ANKH: variants seen among roughly 807,000 people sequenced by gnomAD.
ANKH encodes ANKH inorganic pyrophosphate transport regulator.
ANKH carries 15 observed loss-of-function variants against 49.0 expected under a neutral mutation model. That is an observed-to-expected ratio of 0.31 (90% confidence interval 0.20 to 0.47). The LOEUF is 0.47. Ranked by LOEUF, ANKH falls within the 20% of genes least tolerant of loss-of-function variation. The probability of loss-of-function intolerance (pLI) is 1.00; values close to 1 mark genes in which losing one functional copy is unlikely to be tolerated. For synonymous variants in ANKH, 273 were observed against 260.0 expected (o/e 1.05, Z -0.48); for missense variants, 429 against 652.0 (o/e 0.66, Z 3.72).
intron 1 of ANKH, among the ~76,000 whole-genome samples, chr5:14,800,535 G>T (rs1386634894): frequency 6.6e-6 from 1 of 152,094 alleles, no homozygotes; most frequent in African/African-American, 2.4e-5. Flanking sequence ...ACCCTGATCA[G>T]CCAGCAGCCA....
chr5:14,855,607 A>G (rs1274656942), intron 1 of ANKH, among the ~76,000 whole-genome samples: 1 of 152,168 alleles, frequency 6.6e-6, no homozygotes, highest in Non-Finnish European at 1.5e-5. Context: ...AACAAAATTG[A>G]GAAAGACTTG....
chr5:14,833,019 C>G (rs985703345), intron 1 of ANKH, among the ~76,000 whole-genome samples: 5 of 152,204 alleles, frequency 3.3e-5, no homozygotes, highest in Non-Finnish European at 7.3e-5. Flanking sequence ...TTGATGAAAT[C>G]ACAGTGCTGC....
At chr5:14,783,999 C>A (rs534745788) in intron 1 of ANKH, among the ~76,000 whole-genome samples, 1 of 152,388 alleles carries the variant, frequency 6.6e-6, no homozygotes, top group South Asian at 2.1e-4. Flanking sequence ...TGAAAGGAGG[C>A]AGCTTTGTCC....
chr5:14,786,678 G>A (rs537648219), intron 1 of ANKH, among the ~76,000 whole-genome samples: 47 of 152,328 alleles, frequency 3.1e-4, no homozygotes, highest in Admixed American at 1.7e-3. Context: ...AAAACCTAGC[G>A]CTAGCAAAGA....
chr5:14,751,283 G>A (rs1370888406), intron 4 of ANKH, 44 bp from the exon 5 acceptor site: 16 of 1,598,918 alleles, frequency 1.0e-5, no homozygotes, highest in Non-Finnish European at 1.1e-5. Context: ...GGAGAAGCGG[G>A]AACCGACTGA....
intron 1 of ANKH, among the ~76,000 whole-genome samples, chr5:14,818,519 G>A (rs768337056): frequency 1.4e-4 from 21 of 151,782 alleles, no homozygotes; most frequent in Admixed American, 3.3e-4. Flanking sequence ...GCGGGCACCT[G>A]TAGTCTTAGC....
At chr5:14,850,572 G>A (rs970032093) in intron 1 of ANKH, among the ~76,000 whole-genome samples, 2 of 152,262 alleles carry the variant, frequency 1.3e-5, no homozygotes, top group South Asian at 4.1e-4. Context: ...CCCCTCCGGG[G>A]TTCACGGTAA....
chr5:14,752,137 A>T (rs776482684), intron 4 of ANKH, among the ~76,000 whole-genome samples: 2 of 152,144 alleles, frequency 1.3e-5, no homozygotes, highest in African/African-American at 2.4e-5. Flanking sequence ...GTGAGACCCC[A>T]TCTCTGTAAA....
chr5:14,714,306 G>A lies in ANKH; in HGVS notation c.1142-639C>T, dbSNP rs574610092. On this transcript the variant is annotated intron_variant, in intron 9 of 11. Coordinates refer to ENST00000284268, the MANE Select transcript of ANKH (RefSeq NM_054027.6). ...ATGCCTGCCTCTTCACTGGATCTCT[G>A]AGCTGCAGGAGGGCCATGGGTGGAC... is the stretch of plus-strand genomic sequence containing the variant. 2.6e-5 allele frequency among the ~76,000 whole-genome samples: 4 copies of A among 152,340 alleles called. No individual in the cohort carries two copies. In the East Asian group the frequency reaches 7.7e-4, roughly 29 times the overall value.
At chr5:14,857,381 G>A (rs1735310827) in intron 1 of ANKH, among the ~76,000 whole-genome samples, 1 of 152,222 alleles carries the variant, frequency 6.6e-6, no homozygotes, top group Non-Finnish European at 1.5e-5. Flanking sequence ...ACTGCTGGGT[G>A]CAGTGGCTTA....
At chr5:14,867,707 C>T (rs1735688560) in intron 1 of ANKH, among the ~76,000 whole-genome samples, 1 of 152,118 alleles carries the variant, frequency 6.6e-6, no homozygotes, top group South Asian at 2.1e-4. Context: ...CTACAGGCAC[C>T]CGCCACCGCG....
intron 6 of ANKH, 74 bp downstream of exon 6, chr5:14,749,098 C>G: frequency 1.3e-6 from 2 of 1,599,872 alleles, no homozygotes; most frequent in East Asian, 2.2e-5. Flanking sequence ...TCGAGAAGAA[C>G]TGGAAATCAG....
intron 1 of ANKH, among the ~76,000 whole-genome samples, chr5:14,795,828 A>C (rs909895348): frequency 1.3e-4 from 19 of 151,828 alleles, no homozygotes; most frequent in African/African-American, 3.6e-4. Context: ...ACTGCACTCC[A>C]TCCTGGGTGA....
chr5:14,729,916 C>G (rs975260293), intron 8 of ANKH, among the ~76,000 whole-genome samples: 3 of 152,206 alleles, frequency 2.0e-5, no homozygotes, highest in Non-Finnish European at 4.4e-5. Flanking sequence ...GCTCTCTCTG[C>G]GGCCTGAAGT....
At chr5:14,753,750 A>G (rs1738793403) in intron 4 of ANKH, among the ~76,000 whole-genome samples, 1 of 128,284 alleles carries the variant, frequency 7.8e-6, no homozygotes. Context: ...ACAAACCAAG[A>G]GGTTTTTGTA....
intron 7 of ANKH, among the ~76,000 whole-genome samples, chr5:14,742,760 T>C (rs1461126602): frequency 2.6e-5 from 4 of 152,212 alleles, no homozygotes; most frequent in Non-Finnish European, 5.9e-5. Flanking sequence ...CAAGAACACC[T>C]GCTGCACTGC....
chr5:14,760,040 G>C (rs73048878), intron 2 of ANKH, among the ~76,000 whole-genome samples: 6,561 of 152,216 alleles, frequency 0.043, 409 homozygotes, highest in African/African-American at 0.14. Flanking sequence ...GATCTTCAGA[G>C]AGTGAGGTGG....
intron 1 of ANKH, among the ~76,000 whole-genome samples, chr5:14,789,898 T>C (rs757764338): frequency 3.3e-5 from 5 of 152,142 alleles, no homozygotes; most frequent in African/African-American, 1.2e-4. Flanking sequence ...TTAGTAGAGA[T>C]TGGGTTTCAC....
chr5:14,829,325 G>T (rs1230399176), intron 1 of ANKH, among the ~76,000 whole-genome samples: 2 of 151,636 alleles, frequency 1.3e-5, no homozygotes, highest in South Asian at 4.2e-4. Flanking sequence ...TACTTATTTT[G>T]CTGTACAGAT....
Sources: gnomAD v4.1 joint callset for allele counts (sites outside exome capture counted in the v4.1 genomes callset) on GRCh38, gnomAD v4.1.1 for gene constraint, MANE v1.5 for transcripts, NCBI Gene and HGNC (gene_info 2026-07-23, HGNC 2026-07-21) for gene names.